Variants in CNTNAP4 observed in about 807,000 individuals in gnomAD.
CNTNAP4 encodes contactin associated protein family member 4, also known as contactin-associated protein-like 4.
A neutral mutation model predicts 148.4 loss-of-function variants in CNTNAP4; 98 were observed. That is an observed-to-expected ratio of 0.66 (90% CI 0.56 to 0.78). CNTNAP4 has a LOEUF of 0.78. CNTNAP4 is among the 30% of genes least tolerant of loss of function. The pLI, the probability that CNTNAP4 is intolerant of heterozygous loss-of-function variation, is 0.00. For synonymous variants in CNTNAP4, 730 were observed against 565.1 expected, an observed-to-expected ratio of 1.29 and a Z score of -4.14; for missense variants, 1,935 against 1,565.6, an observed-to-expected ratio of 1.24 and a Z score of -3.98.
chr16:76,325,884 GA>G (rs939526351), intron 2 of CNTNAP4, among the ~76,000 whole-genome samples: 1 of 151,660 alleles, frequency 6.6e-6, no homozygotes, highest in South Asian at 2.1e-4. Flanking sequence ...TAAATGAATT[GA>G]AAAAATGTTT....
At chr16:76,549,747 G>T (rs1299385287) in intron 21 of CNTNAP4, among the ~76,000 whole-genome samples, 4 of 152,080 alleles carry the variant, frequency 2.6e-5, no homozygotes, top group African/African-American at 9.7e-5. Flanking sequence ...AAGATCAAGT[G>T]AATGAAGTAT....
At chr16:76,554,354 G>T (rs1253732852) in intron 23 of CNTNAP4, among the ~76,000 whole-genome samples, 1 of 152,084 alleles carries the variant, frequency 6.6e-6, no homozygotes, top group African/African-American at 2.4e-5. Flanking sequence ...TTGCCTCAAG[G>T]CTTAATAAAG....
intron 4 of CNTNAP4, among the ~76,000 whole-genome samples, chr16:76,434,907 A>G (rs117652800): frequency 2.0e-5 from 3 of 152,154 alleles, no homozygotes; most frequent in African/African-American, 4.8e-5. Context: ...CCTGACCTCC[A>G]TAAGCCCCTA....
At chr16:76,521,931 C>A in intron 16 of CNTNAP4, 108 bp from the exon 17 acceptor site, 1 of 983,578 alleles carries the variant, frequency 1.0e-6, no homozygotes, top group Non-Finnish European at 1.6e-6. Context: ...TGTTCGTTAT[C>A]TTTCTGTTCA....
chr16:76,319,857 C>G (rs1035463668), intron 2 of CNTNAP4, among the ~76,000 whole-genome samples: 1 of 152,182 alleles, frequency 6.6e-6, no homozygotes, highest in Non-Finnish European at 1.5e-5. Flanking sequence ...TTTCAGACTG[C>G]TAGTTTCCAG....
intron 4 of CNTNAP4, among the ~76,000 whole-genome samples, chr16:76,438,487 C>T (rs4887860): frequency 0.18 from 27,540 of 151,906 alleles, 2,891 homozygotes; most frequent in East Asian, 0.37. Flanking sequence ...AGAAATCCCA[C>T]AAGAGTATTG....
chr16:76,392,226 T>G (rs1396601941), intron 3 of CNTNAP4, among the ~76,000 whole-genome samples: 1 of 152,188 alleles, frequency 6.6e-6, no homozygotes, highest in Non-Finnish European at 1.5e-5. Flanking sequence ...ACTCCTGACC[T>G]CAAGTGATCT....
intron 12 of CNTNAP4, among the ~76,000 whole-genome samples, chr16:76,480,428 T>A (rs960198054): frequency 1.3e-5 from 2 of 152,166 alleles, no homozygotes; most frequent in East Asian, 1.9e-4. Flanking sequence ...GAAAACACCC[T>A]TTCAATGAAC....
chr16:76,484,511 G>A (rs1266411149), intron 12 of CNTNAP4, among the ~76,000 whole-genome samples: 1 of 152,142 alleles, frequency 6.6e-6, no homozygotes, highest in Non-Finnish European at 1.5e-5. Context: ...TTGCAACCCA[G>A]TGAGAAATAC....
At chr16:76,549,723 G>A (rs764189348) in intron 21 of CNTNAP4, among the ~76,000 whole-genome samples, 2 of 151,914 alleles carry the variant, frequency 1.3e-5, no homozygotes, top group Non-Finnish European at 2.9e-5. Context: ...TTTGCTACTT[G>A]AATTTGCATC....
intron 17 of CNTNAP4, among the ~76,000 whole-genome samples, chr16:76,522,610 T>TTTCCTTCCTTCCTTCC (rs764499941): frequency 0.042 from 2,507 of 59,634 alleles, 292 homozygotes; most frequent in African/African-American, 0.083. Flanking sequence ...CTTTTCTTTA[T>TTTCCTTCCTTCCTTCC]TTCCTTCCTT....
At chr16:76,464,336 C>T (rs978799966) in intron 9 of CNTNAP4, among the ~76,000 whole-genome samples, 2 of 152,166 alleles carry the variant, frequency 1.3e-5, no homozygotes, top group African/African-American at 2.4e-5. Flanking sequence ...CCCTAAAATG[C>T]AAGACTGCCA....
rs1362274404 is a variant in CNTNAP4 at position 76,452,716 on chromosome 16, A to C, written c.1280A>C (p.Lys427Thr). 2 of 1,610,356 alleles carry C rather than the reference A, an allele frequency of 1.2e-6. No homozygotes were observed. Among genetic ancestry groups the C allele is most frequent in the African/African-American group, 2.7e-5 (2 of 74,752 alleles). The part of the protein sequence containing the change: ...GGILLFLSDG[K>T]LKSNLYQPGK... Reference sequence around the variant, plus strand: ...ATCCTCCTCTTTCTGAGTGATGGAAAACTTAAGTCGAATCTCTACCAGCCA... The same window carrying C: ...ATCCTCCTCTTTCTGAGTGATGGAACACTTAAGTCGAATCTCTACCAGCCA... The change falls in exon 8 of 24, where the codon AAA becomes ACA. Residue 427 changes from lysine to threonine, a missense_variant. Transcript: ENST00000611870.
intron 2 of CNTNAP4, among the ~76,000 whole-genome samples, chr16:76,343,525 G>A (rs374784945): frequency 1.3e-5 from 2 of 152,112 alleles, no homozygotes; most frequent in South Asian, 2.1e-4. Flanking sequence ...ATAACTAGTA[G>A]CATGTAATCT....
At position 76,343,912 on chromosome 16, in the gene CNTNAP4, A is replaced by G. The variant is rs549697563; in HGVS notation, c.197-11406A>G. Among the ~76,000 whole-genome samples, 245 of 152,344 alleles carry G rather than the reference A, an allele frequency of 1.6e-3. 1 individual carries two copies. Among genetic ancestry groups the G allele is most frequent in the Admixed American group, 2.7e-3 (42 of 15,298 alleles). On this transcript the variant is annotated intron_variant, in intron 2 of 23. Transcript: ENST00000611870. ...TTTTCTCTACATTTTTCATAAAATCATGACCCTTGTGCATTCCTCTCATTT... is the reference window on the plus strand; with the variant it reads ...TTTTCTCTACATTTTTCATAAAATCGTGACCCTTGTGCATTCCTCTCATTT...
chr16:76,501,387 C>G (rs1452066643), intron 15 of CNTNAP4, among the ~76,000 whole-genome samples: 1 of 152,180 alleles, frequency 6.6e-6, no homozygotes. Flanking sequence ...TTTCATTAGC[C>G]AAAACCCCTG....
chr16:76,284,010 CT>C (rs1279093155), intron 1 of CNTNAP4, among the ~76,000 whole-genome samples: 1 of 152,012 alleles, frequency 6.6e-6, no homozygotes, highest in Non-Finnish European at 1.5e-5. Flanking sequence ...ATCATGCAGA[CT>C]TTGACCTGAT....
intron 18 of CNTNAP4, 103 bp from the exon 19 acceptor site, chr16:76,538,013 A>G: frequency 4.5e-6 from 2 of 444,798 alleles, no homozygotes; most frequent in Non-Finnish European, 7.4e-6. Context: ...TGGTTCTTCT[A>G]TCTATGCAAT....
chr16:76,297,808 T>A (rs2143896044), intron 1 of CNTNAP4, among the ~76,000 whole-genome samples: 1 of 152,316 alleles, frequency 6.6e-6, no homozygotes, highest in East Asian at 1.9e-4. Context: ...GTTTGGCATC[T>A]GCAGCATTAA....
Sources: gnomAD v4.1 joint callset for allele counts (sites outside exome capture counted in the v4.1 genomes callset) on GRCh38, gnomAD v4.1.1 for gene constraint, MANE v1.5 for transcripts, NCBI Gene and HGNC (gene_info 2026-07-23, HGNC 2026-07-21) for gene names.